TMEM132C: variants seen among roughly 807,000 people sequenced by gnomAD.
TMEM132C encodes the protein protein phosphatase 1, regulatory subunit 152.
Under a neutral mutation model 61.4 loss-of-function variants are expected in TMEM132C, and 29 were observed. That is an observed-to-expected ratio of 0.47 (90% CI 0.35 to 0.64). The LOEUF is 0.64. Among genes scored for constraint, TMEM132C ranks in the 30% least tolerant of loss-of-function variants. The pLI is 0.00. For missense variants in TMEM132C, 1,408 were observed against 1,476.9 expected (o/e 0.95, Z 0.76); for synonymous variants, 656 against 633.1 (o/e 1.04, Z -0.54).
At chr12:128,671,303 G>A (rs1462461539) in intron 5 of TMEM132C, among the ~76,000 whole-genome samples, 2 of 152,134 alleles carry the variant, frequency 1.3e-5, no homozygotes, top group African/African-American at 2.4e-5. Context: ...GTTTTTTGGA[G>A]GAAGAACTGC....
intron 2 of TMEM132C, among the ~76,000 whole-genome samples, chr12:128,484,395 CTG>C (rs1166776214): frequency 3.3e-5 from 5 of 152,164 alleles, no homozygotes; most frequent in Admixed American, 3.3e-4. Flanking sequence ...CCAGCAGGCA[CTG>C]TGGATTTTCT....
chr12:128,646,378 G>A (rs537268081), intron 4 of TMEM132C, among the ~76,000 whole-genome samples: 5 of 152,254 alleles, frequency 3.3e-5, no homozygotes, highest in African/African-American at 1.2e-4. Context: ...GAGTCCATCA[G>A]CGTTGGATGT....
At chr12:128,315,973 T>A (rs1872139522) in intron 1 of TMEM132C, among the ~76,000 whole-genome samples, 1 of 151,834 alleles carries the variant, frequency 6.6e-6, no homozygotes, top group East Asian at 1.9e-4. Flanking sequence ...GATTTCAGCC[T>A]TTGGCCCCCA....
chr12:128,392,072 C>G (rs959735183), intron 1 of TMEM132C, among the ~76,000 whole-genome samples: 19 of 143,934 alleles, frequency 1.3e-4, no homozygotes, highest in Admixed American at 8.8e-4. Flanking sequence ...CTTTCTCTCT[C>G]TCTCTCTCTC....
chr12:128,661,272 A>T (rs1173026195), intron 4 of TMEM132C, among the ~76,000 whole-genome samples: 1 of 152,250 alleles, frequency 6.6e-6, no homozygotes, highest in Non-Finnish European at 1.5e-5. Context: ...ATTATGCAGG[A>T]TAACTTCCTT....
At position 128,295,638 on chromosome 12, in the gene TMEM132C, C is replaced by CA. The variant is rs59555369; in HGVS notation, c.85+28168dup. Among the ~76,000 whole-genome samples, 79 of 116,050 alleles carry CA rather than the reference C, an allele frequency of 6.8e-4. 1 individual carries two copies. Among genetic ancestry groups the CA allele is most frequent in the African/African-American group, 2.3e-3 (70 of 29,950 alleles). The allele number at this position is 116,050 out of a possible 152,430, so 76.1% of individuals were successfully genotyped here. A position where few individuals can be genotyped will look rare whatever the true frequency, so the allele number is the denominator to read the frequency against. ...TTACTGATGTGCCTTTTAAGTCCTT[C>CA]AAAAAAAAAAAAAAAAAGAAAGAAA... On this transcript the variant is annotated intron_variant, in intron 1 of 8. Transcript: ENST00000435159.
intron 2 of TMEM132C, among the ~76,000 whole-genome samples, chr12:128,495,092 C>T (rs1279085720): frequency 2.8e-5 from 4 of 143,834 alleles, no homozygotes; most frequent in African/African-American, 7.6e-5. Context: ...GCCTTCATTT[C>T]GTTATGTACC....
chr12:128,539,286 T>C (rs1873646215), intron 2 of TMEM132C, among the ~76,000 whole-genome samples: 1 of 152,182 alleles, frequency 6.6e-6, no homozygotes. Flanking sequence ...TCAAGTAGGT[T>C]CCCAAGCATG....
intron 1 of TMEM132C, among the ~76,000 whole-genome samples, chr12:128,389,002 CTG>C (rs1874680247): frequency 6.6e-6 from 1 of 152,004 alleles, no homozygotes; most frequent in Admixed American, 6.5e-5. Flanking sequence ...TTGCCAGACT[CTG>C]TGGCTACCTT....
rs562161404 is a variant in TMEM132C, at chr12:128,684,712, G to A, written c.1450-9117G>A. The stretch of plus-strand genomic sequence containing the variant: ...CTTTGGCCATCGTTTCACCGGGCAA[G>A]ATGTAAAAGGGAGGGGAAGAGCATA... On this transcript the variant is annotated intron_variant, in intron 5 of 8. Coordinates refer to ENST00000435159, the MANE Select transcript of TMEM132C (RefSeq NM_001136103.3). Among the ~76,000 whole-genome samples, 62 of 152,378 alleles carry A rather than the reference G, an allele frequency of 4.1e-4. 1 individual carries two copies. The South Asian group carries it at 0.012, about 29-fold the overall frequency.
chr12:128,589,564 C>T (rs1312062407), intron 3 of TMEM132C, among the ~76,000 whole-genome samples: 2 of 146,512 alleles, frequency 1.4e-5, no homozygotes, highest in Non-Finnish European at 3.0e-5. Context: ...CGTGACGCAT[C>T]GTATAGTAGT....
intron 1 of TMEM132C, among the ~76,000 whole-genome samples, chr12:128,325,006 T>A (rs1011951396): frequency 3.3e-5 from 5 of 152,186 alleles, no homozygotes; most frequent in African/African-American, 1.2e-4. Flanking sequence ...GAAAACATTT[T>A]AAGTAGATCT....
At chr12:128,444,665 C>T (rs990695029) in intron 2 of TMEM132C, among the ~76,000 whole-genome samples, 1 of 152,240 alleles carries the variant, frequency 6.6e-6, no homozygotes, top group Non-Finnish European at 1.5e-5. Flanking sequence ...TAGAAGAAAA[C>T]AAACTCCAGT....
rs564785578 is a variant in TMEM132C, at chr12:128,314,457, C to T, written c.85+46970C>T. ...TGATTAAGAGCCTACCATCTGGCAT[C>T]CGGATAGTAGGAATTCAGTGGTATC... On this transcript the variant is annotated intron_variant, in intron 1 of 8. Transcript: ENST00000435159. Among the ~76,000 whole-genome samples, 3 of 152,262 alleles carry T rather than the reference C, an allele frequency of 2.0e-5. No homozygotes were observed. The South Asian group carries it at 6.2e-4, about 32-fold the overall frequency.
At chr12:128,470,530 C>T (rs997973965) in intron 2 of TMEM132C, among the ~76,000 whole-genome samples, 5 of 152,060 alleles carry the variant, frequency 3.3e-5, no homozygotes, top group African/African-American at 9.7e-5. Flanking sequence ...CAGGACAGGC[C>T]AGTGGAGGAG....
At chr12:128,601,432 C>T (rs575427537) in intron 3 of TMEM132C, among the ~76,000 whole-genome samples, 1 of 152,278 alleles carries the variant, frequency 6.6e-6, no homozygotes, top group East Asian at 1.9e-4. Context: ...GGGAGTAGAA[C>T]GGTGTCCTTG....
intron 1 of TMEM132C, among the ~76,000 whole-genome samples, chr12:128,353,246 C>T (rs898290164): frequency 3.9e-4 from 60 of 152,288 alleles, no homozygotes; most frequent in Middle Eastern, 3.4e-3. Flanking sequence ...GGCTTCCTGG[C>T]AGCATGAGTG....
rs191773116 is a variant in TMEM132C at position 128,437,619 on chromosome 12, C to G, written c.974+21999C>G. Among the ~76,000 whole-genome samples the G allele has an allele frequency of 2.1e-3, 313 of 152,312 alleles. 3 individuals are homozygous for G. Among genetic ancestry groups the G allele is most frequent in the Admixed American group, 0.012 (188 of 15,296 alleles). On this transcript the variant is annotated intron_variant, in intron 2 of 8. Coordinates refer to ENST00000435159, the MANE Select transcript of TMEM132C (RefSeq NM_001136103.3). ...TCTTGCCTACAAGCCTGGCAGCAGACTTCCTATTACATTACATTGGCTAGA... is the reference window on the plus strand; with the variant it reads ...TCTTGCCTACAAGCCTGGCAGCAGAGTTCCTATTACATTACATTGGCTAGA...
At chr12:128,323,243 C>CT (rs1872394038) in intron 1 of TMEM132C, among the ~76,000 whole-genome samples, 1 of 152,212 alleles carries the variant, frequency 6.6e-6, no homozygotes. Flanking sequence ...GCCAAGAATT[C>CT]TATCAGTTAA....
Sources: gnomAD v4.1 joint callset for allele counts (sites outside exome capture counted in the v4.1 genomes callset) on GRCh38, gnomAD v4.1.1 for gene constraint, MANE v1.5 for transcripts, NCBI Gene and HGNC (gene_info 2026-07-23, HGNC 2026-07-21) for gene names.